Variants in UNC79 observed in about 807,000 individuals in gnomAD.
UNC79 encodes the protein protein unc-79 homolog.
A neutral mutation model predicts 283.1 loss-of-function variants in UNC79; 37 were observed. The ratio of observed to expected loss-of-function variants is 0.13; its 90% CI spans 0.10 to 0.17. The LOEUF (loss-of-function observed/expected upper bound fraction) is 0.17. Among genes scored for constraint, UNC79 ranks in the 10% least tolerant of loss-of-function variants. The pLI, the probability that UNC79 is intolerant of heterozygous loss-of-function variation, is 1.00. For synonymous variants in UNC79, 1,107 were observed against 1,200.2 expected, an observed-to-expected ratio of 0.92 and a Z score of 1.61; for missense variants, 2,272 against 3,211.1, an observed-to-expected ratio of 0.71 and a Z score of 7.07.
At chr14:93,599,384 G>GTGTGTGTGTGTGTGTT (rs1491009543) in intron 24 of UNC79, among the ~76,000 whole-genome samples, 4 of 140,702 alleles carry the variant, frequency 2.8e-5, no homozygotes, top group African/African-American at 7.7e-5. Flanking sequence ...GTGTGTGTGT[G>GTGTGTGTGTGTGTGTT]TATGTGTGCA....
chr14:93,413,272 C>T lies in UNC79; in HGVS notation c.-350-54399C>T, dbSNP rs368349606. 1.7e-4 allele frequency among the ~76,000 whole-genome samples: 25 copies of T among 150,036 alleles called. No homozygotes were observed. The East Asian group carries it at 2.6e-3, about 16-fold the overall frequency. ...ATTCCCACCTATGAGTGAGAATATG[C>T]GGTGTTTGGTTTTTTGTCCTTGCGG... On this transcript the variant is annotated intron_variant, in intron 1 of 49. Coordinates refer to the UNC79 transcript ENST00000256339.
At chr14:93,486,660 A>AG (rs1246474158) in intron 4 of UNC79, among the ~76,000 whole-genome samples, 2 of 144,698 alleles carry the variant, frequency 1.4e-5, no homozygotes, top group Admixed American at 6.8e-5. Context: ...GTCTAAGGAA[A>AG]AAAAAAAAAA....
intron 14 of UNC79, among the ~76,000 whole-genome samples, chr14:93,554,187 A>C (rs1263708269): frequency 2.0e-5 from 3 of 152,058 alleles, no homozygotes; most frequent in African/African-American, 4.8e-5. Context: ...ATCTCCACTA[A>C]AAATACAAAA....
In UNC79 at chr14:93,685,648, T is replaced by C. The variant is rs138862523; in HGVS notation, c.6820-924T>C. Among the ~76,000 whole-genome samples, 66 of 152,320 alleles carry C rather than the reference T, an allele frequency of 4.3e-4. No homozygotes were observed. In the East Asian group the frequency reaches 8.1e-3, roughly 19 times the overall value. ...CTGGGTGAGCTAGTTAAGTCTATAATGTTCCAGATTTTCCTGAAGAAAGCC... is the reference window on the plus strand; with the variant it reads ...CTGGGTGAGCTAGTTAAGTCTATAACGTTCCAGATTTTCCTGAAGAAAGCC... On this transcript the variant is annotated intron_variant, in intron 42 of 48. Coordinates refer to ENST00000555664, the Ensembl canonical transcript of UNC79.
At chr14:93,478,269 GA>G (rs1029632209) in intron 4 of UNC79, among the ~76,000 whole-genome samples, 6 of 152,132 alleles carry the variant, frequency 3.9e-5, no homozygotes, top group African/African-American at 1.4e-4. Flanking sequence ...TGAAAGCACT[GA>G]AAAAAGCTAA....
intron 1 of UNC79, among the ~76,000 whole-genome samples, chr14:93,382,499 G>A (rs1399083415): frequency 2.0e-5 from 3 of 152,086 alleles, no homozygotes; most frequent in African/African-American, 7.2e-5. Context: ...AGGAATATAT[G>A]TATAGTCCCT....
chr14:93,568,480 C>T (rs1456257601), intron 14 of UNC79, among the ~76,000 whole-genome samples: 1 of 152,070 alleles, frequency 6.6e-6, no homozygotes, highest in Admixed American at 6.6e-5. Context: ...TCAAGACCAG[C>T]CTGGCCAATG....
chr14:93,623,005 C>A (rs532426395), intron 30 of UNC79, among the ~76,000 whole-genome samples, 164 bp downstream of exon 32: 8 of 152,260 alleles, frequency 5.3e-5, no homozygotes, highest in African/African-American at 1.7e-4. Flanking sequence ...GTTTAATGGA[C>A]AATGTTGGAT....
intron 1 of UNC79, among the ~76,000 whole-genome samples, chr14:93,423,860 A>G (rs1196902909): frequency 6.6e-6 from 1 of 152,234 alleles, no homozygotes; most frequent in Admixed American, 6.5e-5. Context: ...AAAATGGACA[A>G]ATGGGATCAC....
chr14:93,511,295 T>A (rs572712351), intron 7 of UNC79, among the ~76,000 whole-genome samples: 2 of 152,194 alleles, frequency 1.3e-5, no homozygotes, highest in Non-Finnish European at 2.9e-5. Flanking sequence ...TTAGATATGG[T>A]TGCTTTGTTC....
At chr14:93,403,151 A>G (rs577987232) in intron 1 of UNC79, among the ~76,000 whole-genome samples, 3 of 152,310 alleles carry the variant, frequency 2.0e-5, no homozygotes, top group African/African-American at 7.2e-5. Flanking sequence ...GGGTAGAGGA[A>G]TAGTCACTTA....
chr14:93,346,295 T>C (rs917090635), intron 1 of UNC79, among the ~76,000 whole-genome samples: 1 of 152,186 alleles, frequency 6.6e-6, no homozygotes, highest in African/African-American at 2.4e-5. Context: ...CACAGGATCA[T>C]TGTAGTGGAT....
At chr14:93,557,418 G>T (rs1418463040) in intron 14 of UNC79, among the ~76,000 whole-genome samples, 4 of 152,060 alleles carry the variant, frequency 2.6e-5, no homozygotes, top group Non-Finnish European at 5.9e-5. Context: ...CTTAAAATGG[G>T]GTTACTCTGG....
intron 45 of UNC79, chr14:93,691,461 A>T: frequency 1.9e-6 from 1 of 515,838 alleles, no homozygotes; most frequent in East Asian, 3.3e-5. Flanking sequence ...AGGGATGGGA[A>T]TGTCAGTTTC....
chr14:93,517,873 T>G (rs2060140265), intron 7 of UNC79, among the ~76,000 whole-genome samples: 1 of 151,450 alleles, frequency 6.6e-6, no homozygotes, highest in Admixed American at 6.6e-5. Context: ...ACTTCTAGAA[T>G]TTCCATTTGG....
intron 14 of UNC79, among the ~76,000 whole-genome samples, chr14:93,544,776 G>A (rs902338639): frequency 5.3e-5 from 8 of 152,174 alleles, no homozygotes; most frequent in African/African-American, 1.2e-4. Context: ...TTTTGAGTAC[G>A]GAGGGCAGAC....
At chr14:93,512,145 CT>C (rs1227549026) in intron 7 of UNC79, among the ~76,000 whole-genome samples, 1 of 151,994 alleles carries the variant, frequency 6.6e-6, no homozygotes, top group Non-Finnish European at 1.5e-5. Flanking sequence ...CTCTAGTTAC[CT>C]TTTTGTTTTG....
intron 23 of UNC79, 46 bp downstream of exon 23, chr14:93,593,883 C>T (rs374031472): frequency 1.3e-4 from 190 of 1,519,800 alleles, no homozygotes; most frequent in South Asian, 5.2e-4. Context: ...ACACAGTACA[C>T]GGGTGTCTGG....
chr14:93,559,631 G>A (rs2141407844), intron 14 of UNC79, among the ~76,000 whole-genome samples: 1 of 152,282 alleles, frequency 6.6e-6, no homozygotes, highest in South Asian at 2.1e-4. Flanking sequence ...GCCAGGATGA[G>A]CCAGGAGAAG....
Sources: allele counts gnomAD v4.1 joint callset (sites outside exome capture counted in the v4.1 genomes callset), GRCh38; gene constraint gnomAD v4.1.1; transcripts MANE v1.5; gene names NCBI Gene and HGNC (gene_info 2026-07-23, HGNC 2026-07-21).